The following ZNF417 variants were observed in gnomAD, a reference collection of about 807,000 sequenced individuals.
ZNF417 encodes zinc finger protein 417.
Under a neutral mutation model 7.4 loss-of-function variants are expected in ZNF417, and 5 were observed. The observed-to-expected ratio is 0.68, with a 90% confidence interval of 0.35 to 1.43. The LOEUF is 1.43. ZNF417 is among the 40% of genes most tolerant of loss of function. The pLI, the probability that ZNF417 is intolerant of heterozygous loss-of-function variation, is 0.04. For missense variants in ZNF417, 437 were observed against 697.3 expected, an observed-to-expected ratio of 0.63 and a Z score of 4.20; for synonymous variants, 147 against 239.1, an observed-to-expected ratio of 0.61 and a Z score of 3.55.
intron 1 of ZNF417, chr19:57,915,496 T>C: frequency 4.0e-6 from 2 of 497,884 alleles, no homozygotes; most frequent in Non-Finnish European, 7.5e-6. Context: ...CCCACGGGTG[T>C]CAGAAACAGG....
chr19:57,908,425 A>T lies in ZNF417; in HGVS notation c.*125T>A. ...TTCCAATGCGAAGTCTCTTAAGACC[A>T]AGGAGAGCAGACATTCTGATGTTTC... On this transcript the variant is annotated 3_prime_UTR_variant, in exon 3 of 3. Transcript: ENST00000312026. 3.9e-6 allele frequency: 6 copies of T among 1,546,758 alleles called. No homozygotes were observed. Among genetic ancestry groups the T allele is most frequent in the Non-Finnish European group, 4.4e-6 (5 of 1,131,610 alleles).
chr19:57,912,101 C>A lies in ZNF417; in HGVS notation c.122G>T (p.Arg41Leu), dbSNP rs142600905. The change falls in exon 2 of 3, where the codon CGT (arginine) becomes CTT (leucine). Residue 41 changes from arginine to leucine, a missense_variant. Arg to Leu is a moderately radical substitution (Grantham distance 102). Transcript: ENST00000312026. The part of the protein sequence containing the change: ...LLSEAQRCLY[R>L]DVMLENLALI... Reference sequence around the variant, plus strand: ...AGCCAGGTTCTCTAGCATCACATCACGGTACAAGCACCTCTGAGCCTCACT... The same window carrying A: ...AGCCAGGTTCTCTAGCATCACATCAAGGTACAAGCACCTCTGAGCCTCACT... 1.9e-5 allele frequency: 30 copies of A among 1,607,132 alleles called. No individual in the cohort carries two copies. The African/African-American group carries it at 3.8e-4, about 20-fold the overall frequency.
At position 57,907,455 on chromosome 19, in the gene ZNF417, G is replaced by A. The variant is rs1428285217; in HGVS notation, c.*1095C>T. On this transcript the variant is annotated 3_prime_UTR_variant, in exon 3 of 3. Transcript: ENST00000312026. Reference sequence around the variant, plus strand: ...GACTTTGTGAGGTTCCATGTGTTTGGTCAGTCATGAGAGGAAGAATAATTC... The same window carrying A: ...GACTTTGTGAGGTTCCATGTGTTTGATCAGTCATGAGAGGAAGAATAATTC... 6.5e-6 allele frequency: 1 copy of A among 154,788 alleles called. No homozygotes were observed. The highest frequency in any genetic ancestry group is 1.5e-5 in the Non-Finnish European group (1 of 68,230). 9.6% of individuals were successfully genotyped at this position (154,788 alleles called of 1,614,324 possible).
Position 57,909,332 on chromosome 19 carries a change from G to C in ZNF417, c.946C>G (p.Arg316Gly). 6.8e-6 allele frequency: 11 copies of C among 1,614,016 alleles called. No individual in the cohort carries two copies. The highest frequency in any genetic ancestry group is 9.3e-6 in the Non-Finnish European group (11 of 1,179,882). Residue 316 changes from arginine (R) to glycine (G), a missense_variant, in exon 3 of 3, where the codon CGT (arginine) becomes GGT (glycine). This residue lies in a region of ZNF417 where 53 missense variants were observed against 91.9 expected (regional missense o/e 0.58). Coordinates refer to ENST00000312026, the MANE Select transcript of ZNF417 (RefSeq NM_152475.3). ...SQKGSLISHQ[R>G]VHTGERPYEC... ...TAAGGCCTTTCTCCAGTGTGAACAC[G>C]CTGATGGCTAATAAGGCTGCCCTTC...
rs1048791114 is a variant in ZNF417, at chr19:57,909,142, G to C, written c.1136C>G (p.Pro379Arg). Residue 379 changes from proline (P) to arginine (R), a missense_variant, in exon 3 of 3, where the codon CCT becomes CGT. Coordinates refer to ENST00000312026, the MANE Select transcript of ZNF417 (RefSeq NM_152475.3). ...TTTTCCACATTCTCCACACTTGTAA[G>C]GCCTTTCTCCAGTGTGAACACGCTG... ...NHQRVHTGER[P>R]YKCGECGKSF... The C allele has an allele frequency of 1.9e-6, 3 of 1,614,050 alleles. No homozygotes were observed. The African/African-American group carries it at 4.0e-5, about 22-fold the overall frequency.
intron 1 of ZNF417, among the ~76,000 whole-genome samples, chr19:57,914,789 C>T (rs2122542588): frequency 6.6e-6 from 1 of 152,312 alleles, no homozygotes; most frequent in Admixed American, 6.5e-5. Flanking sequence ...GTTAATCTTA[C>T]AAGAGTGTTT....
At chr19:57,913,115 G>A (rs1347123975) in intron 1 of ZNF417, among the ~76,000 whole-genome samples, 1 of 151,776 alleles carries the variant, frequency 6.6e-6, no homozygotes, top group Non-Finnish European at 1.5e-5. Flanking sequence ...AGAGCAGAGT[G>A]GGAATGAGAT....
Position 57,908,451 on chromosome 19 carries a change from C to G in ZNF417, c.*99G>C. 2 of 1,593,516 alleles carry G rather than the reference C, an allele frequency of 1.3e-6. No individual in the cohort carries two copies. Among genetic ancestry groups the G allele is most frequent in the South Asian group, 2.2e-5 (2 of 89,138 alleles). On this transcript the variant is annotated 3_prime_UTR_variant, in exon 3 of 3. Transcript: ENST00000312026. ...AGGAGAGCAGACATTCTGATGTTTC[C>G]CAGATTGACAGCACTCATAAGGCCT...
chr19:57,908,640 C>G lies in ZNF417; in HGVS notation c.1638G>C (p.Arg546Ser). Residue 546 changes from arginine (R) to serine (S), a missense_variant, in exon 3 of 3, where the codon AGG (arginine) becomes AGC (serine). Arg to Ser is a moderately radical substitution (Grantham distance 110). Around this residue, in one of 5 missense-constraint regions of ZNF417, gnomAD observed 233 missense variants for 235.5 expected, o/e 0.99. Transcript: ENST00000312026. ...TTCCACATTTGGTACATTCATAAGG[C>G]CTTTCTCCAGTGTGAATTCTCCTGT... ...IKHRRIHTGE[R>S]PYECTKCGKT... The G allele has an allele frequency of 1.9e-6, 3 of 1,614,130 alleles. No homozygotes were observed. The South Asian group carries it at 3.3e-5, about 18-fold the overall frequency.
intron 2 of ZNF417, among the ~76,000 whole-genome samples, 154 bp from the exon 3 acceptor site, chr19:57,910,268 G>A (rs1476867176): frequency 1.3e-5 from 2 of 152,174 alleles, no homozygotes; most frequent in African/African-American, 2.4e-5. Context: ...GCTGCTGGCC[G>A]GGCGCAGTGG....
Position 57,916,332 on chromosome 19 carries a change from T to C in ZNF417, c.33+47A>G, listed in dbSNP as rs572542727. ...GCCGCTCCCTCGCTGGTTTAGGACC[T>C]GGGTGACGATGGGGTGACCTGAGGG... is the stretch of plus-strand genomic sequence containing the variant. On this transcript the variant is annotated intron_variant, in intron 1 of 2. Transcript: ENST00000312026. The C allele has an allele frequency of 9.3e-6, 15 of 1,614,040 alleles. No individual in the cohort carries two copies. The South Asian group carries it at 1.5e-4, about 17-fold the overall frequency.
intron 2 of ZNF417, among the ~76,000 whole-genome samples, chr19:57,911,678 A>G (rs1260479725): frequency 2.0e-5 from 3 of 152,194 alleles, no homozygotes; most frequent in Non-Finnish European, 2.9e-5. Context: ...TGGTCTATGT[A>G]GGTAGTGACA....
rs772274217 is a variant in ZNF417, at chr19:57,916,435, C to A, written c.-24G>T. ...ATCGGACTACTTGGGGAAGCACGGC[C>A]CGGGAGCAGTGGTCGCCGTCACGGG... On this transcript the variant is annotated 5_prime_UTR_variant, in exon 1 of 3. Coordinates refer to ENST00000312026, the MANE Select transcript of ZNF417 (RefSeq NM_152475.3). 1 of 1,613,958 alleles carries A rather than the reference C, an allele frequency of 6.2e-7. No homozygotes were observed. Among genetic ancestry groups the A allele is most frequent in the South Asian group, 1.1e-5 (1 of 91,068 alleles).
intron 2 of ZNF417, among the ~76,000 whole-genome samples, chr19:57,910,717 G>C (rs895157389): frequency 1.3e-5 from 2 of 151,804 alleles, no homozygotes; most frequent in African/African-American, 4.8e-5. Flanking sequence ...TTGTGTACGG[G>C]ACCTTATCTC....
rs58495174 is a variant in ZNF417 at position 57,905,975 on chromosome 19, G to GTTTTTT, written c.*2569_*2574dup. 6.6e-6 allele frequency among the ~76,000 whole-genome samples: 1 copy of GTTTTTT among 151,628 alleles called. No homozygotes were observed. The highest frequency in any genetic ancestry group is 2.4e-5 in the African/African-American group (1 of 41,252). ...TGTAGTTTATGAAGAAAAAAGTTTT[G>GTTTTTT]TTTTTTTTGAGGCAGGGCCTTGCTC... On this transcript the variant is annotated 3_prime_UTR_variant, in exon 3 of 3. Coordinates refer to ENST00000312026, the MANE Select transcript of ZNF417 (RefSeq NM_152475.3).
rs73569629 is a variant in ZNF417, at chr19:57,915,503, C to G, written c.33+876G>C. Reference sequence around the variant, plus strand: ...CACCGCATCCCACGGGTGTCAGAAACAGGTGAAACCGTCTTTGCAAAATTA... The same window carrying G: ...CACCGCATCCCACGGGTGTCAGAAAGAGGTGAAACCGTCTTTGCAAAATTA... On this transcript the variant is annotated intron_variant, in intron 1 of 2. Coordinates refer to ENST00000312026, the MANE Select transcript of ZNF417 (RefSeq NM_152475.3). 3.4e-3 allele frequency: 1,671 copies of G among 494,020 alleles called. 25 individuals carry two copies. The highest frequency in any genetic ancestry group is 0.03 in the African/African-American group (1,482 of 48,870). The allele number at this position is 494,020 out of a possible 1,614,324, so 30.6% of individuals were successfully genotyped here. A position where few individuals can be genotyped will look rare whatever the true frequency, so the allele number is the denominator to read the frequency against.
Position 57,908,799 on chromosome 19 carries a change from T to G in ZNF417, c.1479A>C (p.Glu493Asp). Residue 493 changes from glutamate to aspartate, a missense_variant, in exon 3 of 3, where the codon GAA becomes GAC. Physicochemically the swap from Glu to Asp is conservative, Grantham distance 45. Around this residue, in one of 5 missense-constraint regions of ZNF417, gnomAD observed 233 missense variants for 235.5 expected, o/e 0.99. Coordinates refer to ENST00000312026, the MANE Select transcript of ZNF417 (RefSeq NM_152475.3). ...GAAATGATTTCCCACATTCATTGCA[T>G]TCATACGGCCTTTCTCCAGTGTGAA... ...QRIHTGERPY[E>D]CNECGKSFLS... is the part of the protein sequence containing the mutation. The G allele has an allele frequency of 1.2e-6, 2 of 1,605,822 alleles. No individual in the cohort carries two copies. Among genetic ancestry groups the G allele is most frequent in the South Asian group, 1.1e-5 (1 of 90,042 alleles).
rs2071872223 is a variant in ZNF417 at position 57,909,385 on chromosome 19, C to A, written c.893G>T (p.Cys298Phe). Residue 298 changes from cysteine (C) to phenylalanine (F), a missense_variant, in exon 3 of 3, where the codon TGT becomes TTT. By Grantham distance (205) the Cys-to-Phe change is radical. Around this residue, in one of 5 missense-constraint regions of ZNF417, gnomAD observed 34 missense variants for 33.3 expected, o/e 1.02. Coordinates refer to ENST00000312026, the MANE Select transcript of ZNF417 (RefSeq NM_152475.3). The stretch of plus-strand genomic sequence containing the variant: ...ACTAAAAGATTTCCCGCACTCCTCA[C>A]AGGGATAAGCTGTCTTTCCAGTGTG... ...RVHTGKTAYP[C>F]EECGKSFSQK... 8 of 1,614,102 alleles carry A rather than the reference C, an allele frequency of 5.0e-6. No homozygotes were observed. The highest frequency in any genetic ancestry group is 4.4e-5 in the South Asian group (4 of 91,090).
intron 2 of ZNF417, among the ~76,000 whole-genome samples, chr19:57,911,333 A>C (rs551379442): frequency 2.6e-5 from 4 of 152,300 alleles, no homozygotes; most frequent in South Asian, 2.1e-4. Flanking sequence ...TCATATTGCC[A>C]CAAAAACACT....
Sources: gnomAD v4.1 joint callset for allele counts (sites outside exome capture counted in the v4.1 genomes callset) on GRCh38, gnomAD v4.1.1 for gene constraint, gnomAD v4.1.1 regional missense constraint, MANE v1.5 for transcripts, NCBI Gene and HGNC (gene_info 2026-07-23, HGNC 2026-07-21) for gene names.